SAMD5: variants seen among roughly 807,000 people sequenced by gnomAD.
The protein encoded by SAMD5 is sterile alpha motif domain containing 5.
In SAMD5, 13 loss-of-function variants were observed where a neutral mutation model predicts 11.3. The observed-to-expected ratio is 1.15, with a 90% confidence interval of 0.75 to 1.83. SAMD5 has a LOEUF of 1.83. Among genes scored for constraint, SAMD5 ranks in the 40% most tolerant of loss-of-function variants. The pLI, the probability that SAMD5 is intolerant of heterozygous loss-of-function variation, is 0.00. For missense variants in SAMD5, 255 were observed against 239.1 expected (o/e 1.07, Z -0.44); for synonymous variants, 129 against 111.3 (o/e 1.16, Z -1.00).
chr6:147,751,685 A>C, the SAMD5 span, among the ~76,000 whole-genome samples: 3 of 152,248 alleles, frequency 2.0e-5, no homozygotes, highest in Non-Finnish European at 4.4e-5. Context: ...GGATCAAACC[A>C]GATGACACTA....
At chr6:147,804,182 G>T in the SAMD5 span, among the ~76,000 whole-genome samples, 1 of 147,914 alleles carries the variant, frequency 6.8e-6, no homozygotes, top group African/African-American at 2.5e-5. Context: ...ATCTCGGCTC[G>T]CTGCAACTTC....
chr6:147,594,771 T>A (rs1054301551), intron 1 of SAMD5, among the ~76,000 whole-genome samples: 7 of 152,124 alleles, frequency 4.6e-5, no homozygotes, highest in African/African-American at 1.7e-4. Context: ...AATTTGGCCA[T>A]ATGAAGAAAA....
intron 1 of SAMD5, among the ~76,000 whole-genome samples, chr6:147,583,562 A>G (rs4440480): frequency 0.33 from 50,474 of 151,946 alleles, 8,539 homozygotes; most frequent in East Asian, 0.37. Flanking sequence ...TATTTAGCTG[A>G]CTCTGATATG....
intron 1 of SAMD5, among the ~76,000 whole-genome samples, chr6:147,605,344 G>A (rs1256195667): frequency 1.3e-5 from 2 of 152,056 alleles, no homozygotes; most frequent in Non-Finnish European, 2.9e-5. Context: ...TAAACTTCTG[G>A]CCTCAAGTGA....
At chr6:147,721,225 G>A (rs1372600774) in intron 1 of SAMD5, among the ~76,000 whole-genome samples, 2 of 148,954 alleles carry the variant, frequency 1.3e-5, no homozygotes, top group South Asian at 2.2e-4. Flanking sequence ...GTAATGGGAT[G>A]GCTGGGTCAA....
chr6:147,772,780 T>G, the SAMD5 span, among the ~76,000 whole-genome samples: 3 of 152,196 alleles, frequency 2.0e-5, no homozygotes, highest in Admixed American at 1.3e-4. Context: ...AATCACCTCA[T>G]TAAAGGACAT....
the SAMD5 span, among the ~76,000 whole-genome samples, chr6:147,775,500 T>G: frequency 6.6e-6 from 1 of 152,176 alleles, no homozygotes; most frequent in Non-Finnish European, 1.5e-5. Context: ...TCTGATCACT[T>G]TCTCTCCTTG....
In SAMD5 at chr6:147,567,697, G is replaced by C. The variant is rs1486159733; in HGVS notation, c.*3241G>C. 1 of 985,092 alleles carries C rather than the reference G, an allele frequency of 1.0e-6. No individual in the cohort carries two copies. Among genetic ancestry groups the C allele is most frequent in the African/African-American group, 1.7e-5 (1 of 57,198 alleles). The allele number at this position is 985,092 out of a possible 1,614,324, so 61.0% of individuals were successfully genotyped here. On this transcript the variant is annotated 3_prime_UTR_variant, in exon 2 of 2. Coordinates refer to ENST00000367474, the MANE Select transcript of SAMD5 (RefSeq NM_001030060.3). ...GTCTTATTTCTTCTTATGCAGAAGA[G>C]ATTACCTTAAAGCTGACTAGAAAAC...
At chr6:147,812,996 TG>T in the SAMD5 span, among the ~76,000 whole-genome samples, 1 of 152,234 alleles carries the variant, frequency 6.6e-6, no homozygotes, top group Admixed American at 6.5e-5. Flanking sequence ...TTTGCAGTAT[TG>T]TTATTGCATC....
At chr6:147,620,404 G>C (rs1030572154) in intron 1 of SAMD5, among the ~76,000 whole-genome samples, 1 of 152,200 alleles carries the variant, frequency 6.6e-6, no homozygotes, top group Non-Finnish European at 1.5e-5. Context: ...GAAGGGCACA[G>C]TTCACAGCAT....
chr6:147,919,521 G>A, the SAMD5 span, among the ~76,000 whole-genome samples: 1 of 152,142 alleles, frequency 6.6e-6, no homozygotes, highest in Admixed American at 6.5e-5. Context: ...CCTGAAACAT[G>A]GCAAAGATTC....
the SAMD5 span, among the ~76,000 whole-genome samples, chr6:147,745,981 A>G: frequency 6.6e-6 from 1 of 151,974 alleles, no homozygotes; most frequent in African/African-American, 2.4e-5. Flanking sequence ...GCCTCAAGTC[A>G]TCTGCGCTTC....
At chr6:147,805,577 G>T in the SAMD5 span, among the ~76,000 whole-genome samples, 2 of 152,302 alleles carry the variant, frequency 1.3e-5, no homozygotes, top group Admixed American at 1.3e-4. Flanking sequence ...TTTCAAGCTA[G>T]CAAGGATTTA....
chr6:147,513,163 G>A (rs1788115566), intron 1 of SAMD5, among the ~76,000 whole-genome samples: 2 of 152,200 alleles, frequency 1.3e-5, no homozygotes, highest in Admixed American at 6.5e-5. Flanking sequence ...GAGGCAGGTG[G>A]CAGCTGGTCT....
At chr6:147,588,384 G>A (rs1789405587) in intron 1 of SAMD5, among the ~76,000 whole-genome samples, 1 of 137,428 alleles carries the variant, frequency 7.3e-6, no homozygotes, top group South Asian at 2.3e-4. Flanking sequence ...CATGATCTTA[G>A]CTCACTGCAA....
chr6:147,562,757 G>A (rs1308865857), intron 1 of SAMD5, among the ~76,000 whole-genome samples: 1 of 152,094 alleles, frequency 6.6e-6, no homozygotes, highest in Non-Finnish European at 1.5e-5. Flanking sequence ...GGGAGGCGGA[G>A]CTTGCAGTGA....
chr6:147,940,216 T>C, the SAMD5 span, among the ~76,000 whole-genome samples: 14 of 151,986 alleles, frequency 9.2e-5, no homozygotes, highest in African/African-American at 3.4e-4. Flanking sequence ...TTTTTTTTTT[T>C]TTTTGCAACA....
chr6:147,700,601 T>C (rs1176785310), intron 1 of SAMD5, among the ~76,000 whole-genome samples: 1 of 152,220 alleles, frequency 6.6e-6, no homozygotes. Flanking sequence ...ATGTGTTTTA[T>C]TTGTATAGCA....
chr6:147,800,833 G>C, the SAMD5 span, among the ~76,000 whole-genome samples: 1 of 152,028 alleles, frequency 6.6e-6, no homozygotes. Context: ...AGTAAACCAT[G>C]TGCATTTGTG....
Sources: allele counts gnomAD v4.1 joint callset (sites outside exome capture counted in the v4.1 genomes callset), GRCh38; gene constraint gnomAD v4.1.1; transcripts MANE v1.5; gene names NCBI Gene and HGNC (gene_info 2026-07-23, HGNC 2026-07-21).